Variants in STX5 observed in about 807,000 individuals in gnomAD.
STX5 encodes the protein syntaxin-5.
A neutral mutation model predicts 42.9 loss-of-function variants in STX5; 15 were observed. The observed-to-expected ratio is 0.35, with a 90% CI of 0.23 to 0.54. The LOEUF (loss-of-function observed/expected upper bound fraction) is 0.54. STX5 is among the 20% of genes least tolerant of loss of function. STX5 has a pLI of 0.91. For synonymous variants in STX5, 184 were observed against 173.2 expected (o/e 1.06, Z -0.49); for missense variants, 430 against 455.0 (o/e 0.95, Z 0.50).
intron 3 of STX5, 63 bp downstream of exon 3, chr11:62,827,498 G>A: frequency 6.2e-7 from 1 of 1,612,816 alleles, no homozygotes; most frequent in Non-Finnish European, 8.5e-7. Context: ...CAAGGCCACT[G>A]ATTGCAAGTC....
rs1274611558 is a variant in STX5 at position 62,813,691 on chromosome 11, A to G, written c.909-6063T>C. Among the ~76,000 whole-genome samples, 5 of 152,142 alleles carry G rather than the reference A, an allele frequency of 3.3e-5. No homozygotes were observed. The South Asian group carries it at 8.3e-4, about 25-fold the overall frequency. ...ATCAGGGTTGGACCCTGCTAAAGGG[A>G]TAAGATCAAGTGGGCAGGAGTGGAT... On this transcript the variant is annotated intron_variant, in intron 10 of 10. Coordinates refer to ENST00000294179, the MANE Select transcript of STX5 (RefSeq NM_003164.5).
chr11:62,824,243 C>A lies in STX5; in HGVS notation c.831G>T (p.Glu277Asp). ...TGGAGCCCAACTCAACAATTGTCGACTCAATGTTCTGCATGGTGTCTGCCC... is the reference window on the plus strand; with the variant it reads ...TGGAGCCCAACTCAACAATTGTCGAATCAATGTTCTGCATGGTGTCTGCCC... ...QSRADTMQNI[E>D]STIVELGSIF... is the part of the protein sequence containing the mutation. Residue 277 changes from glutamate to aspartate, a missense_variant, in exon 10 of 11, where the codon GAG (glutamate) becomes GAT (aspartate). Coordinates refer to ENST00000294179, the MANE Select transcript of STX5 (RefSeq NM_003164.5). The A allele has an allele frequency of 6.2e-7, 1 of 1,614,162 alleles. No individual in the cohort carries two copies. Among genetic ancestry groups the A allele is most frequent in the Non-Finnish European group, 8.5e-7 (1 of 1,180,038 alleles).
Position 62,807,438 on chromosome 11 carries a change from C to T in STX5, c.*31G>A. Reference sequence around the variant, plus strand: ...CTTGCCTTCCCAGGAGGGTCCCAAACCCCAACAGAGTGCCTCAGAGTAGAG... The same window carrying T: ...CTTGCCTTCCCAGGAGGGTCCCAAATCCCAACAGAGTGCCTCAGAGTAGAG... On this transcript the variant is annotated 3_prime_UTR_variant, in exon 11 of 11. Transcript: ENST00000294179. The T allele has an allele frequency of 6.2e-7, 1 of 1,608,442 alleles. No homozygotes were observed.
At chr11:62,810,118 AAAAG>A (rs1227740549) in intron 10 of STX5, among the ~76,000 whole-genome samples, 3 of 151,260 alleles carry the variant, frequency 2.0e-5, no homozygotes, top group South Asian at 2.1e-4. Flanking sequence ...AAAAAAAAAA[AAAAG>A]AAAGAAAAAG....
At chr11:62,813,862 T>G (rs1198635763) in intron 10 of STX5, among the ~76,000 whole-genome samples, 1 of 152,172 alleles carries the variant, frequency 6.6e-6, no homozygotes, top group Non-Finnish European at 1.5e-5. Context: ...CAGCTCCTCT[T>G]AGAGCCAAGC....
intron 10 of STX5, chr11:62,823,820 T>C (rs1590972230): frequency 3.8e-6 from 1 of 265,142 alleles, no homozygotes; most frequent in East Asian, 9.1e-5. Context: ...GTGCTGCCTA[T>C]GGGATTACAG....
In STX5 at chr11:62,831,024, G is replaced by C; in HGVS notation, c.220C>G (p.Arg74Gly). 2 of 1,550,536 alleles carry C rather than the reference G, an allele frequency of 1.3e-6. No individual in the cohort carries two copies. The highest frequency in any genetic ancestry group is 2.4e-5 in the East Asian group (1 of 41,088). Residue 74 changes from arginine (R) to glycine (G), a missense_variant, in exon 2 of 11, where the codon CGT (arginine) becomes GGT (glycine). Transcript: ENST00000294179. ...FLSACKSLQT[R>G]QNGIQTNKPA... ...TTTCCACTCCAGGTCCTTACCTGAC[G>C]GGTCTGCAGCGACTTGCAGGCAGAC... is the stretch of plus-strand genomic sequence containing the variant.
chr11:62,828,726 AAAAT>A (rs752238315), intron 2 of STX5, among the ~76,000 whole-genome samples: 136 of 109,842 alleles, frequency 1.2e-3, no homozygotes, highest in Non-Finnish European at 2.2e-3. Context: ...ACTCCGTCTC[AAAAT>A]AAATAAATAA....
intron 10 of STX5, among the ~76,000 whole-genome samples, chr11:62,816,861 C>T (rs1332092134): frequency 6.6e-6 from 1 of 151,494 alleles, no homozygotes; most frequent in African/African-American, 2.4e-5. Context: ...CGCCACTACA[C>T]TCCAGCCTGG....
At chr11:62,829,943 T>C (rs1477556591) in intron 2 of STX5, among the ~76,000 whole-genome samples, 1 of 151,112 alleles carries the variant, frequency 6.6e-6, no homozygotes, top group African/African-American at 2.4e-5. Context: ...CGGGCACCTG[T>C]AATCCCAGCT....
In STX5 at chr11:62,814,163, A is replaced by C. The variant is rs145192754; in HGVS notation, c.909-6535T>G. Reference sequence around the variant, plus strand: ...CTATAGCGATGCTCAGAAAAGAGGAAGAATTTAATTAATTTACTTGAGATG... The same window carrying C: ...CTATAGCGATGCTCAGAAAAGAGGACGAATTTAATTAATTTACTTGAGATG... On this transcript the variant is annotated intron_variant, in intron 10 of 10. Transcript: ENST00000294179. 2.0e-5 allele frequency among the ~76,000 whole-genome samples: 3 copies of C among 152,272 alleles called. No homozygotes were observed. In the South Asian group the frequency reaches 6.2e-4, roughly 32 times the overall value.
Position 62,825,304 on chromosome 11 carries a change from C to A in STX5, c.576G>T (p.Ser192=). Residue 192 remains serine, a synonymous_variant, in exon 7 of 11, where the codon TCG becomes TCT. Transcript: ENST00000294179. Reference sequence around the variant, plus strand: ...TCACCTCTGTCCTCACTTCTAAAACCGATTTGAAGTCATTGGACATAGAAG... The same window carrying A: ...TCACCTCTGTCCTCACTTCTAAAACAGATTTGAAGTCATTGGACATAGAAG... The part of the protein sequence containing the change: ...KLASMSNDFK[S]VLEVRTENLK... The A allele has an allele frequency of 6.2e-7, 1 of 1,614,140 alleles. No homozygotes were observed. The highest frequency in any genetic ancestry group is 1.1e-5 in the South Asian group (1 of 91,070).
At chr11:62,820,753 G>A (rs932235548) in intron 10 of STX5, among the ~76,000 whole-genome samples, 16 of 151,500 alleles carry the variant, frequency 1.1e-4, no homozygotes, top group East Asian at 8.0e-4. Flanking sequence ...CTCATGATCC[G>A]CCTGCCTCGG....
At chr11:62,821,540 C>G (rs1470478699) in intron 10 of STX5, among the ~76,000 whole-genome samples, 1 of 150,584 alleles carries the variant, frequency 6.6e-6, no homozygotes, top group Non-Finnish European at 1.5e-5. Context: ...GCCTGGCCAA[C>G]ATGCTGAAAC....
In STX5 at chr11:62,823,829, A is replaced by C. The variant is rs200165203; in HGVS notation, c.908+337T>G. The C allele has an allele frequency of 1.0e-4, 29 of 290,802 alleles. No individual in the cohort carries two copies. In the East Asian group the frequency reaches 2.2e-3, roughly 22 times the overall value. The allele number at this position is 290,802 out of a possible 1,614,324, so 18.0% of individuals were successfully genotyped here. ...CCCAAAGTGCTGCCTATGGGATTACAGGTGTGAGTCACTGTGCCAGCCTTG... is the reference window on the plus strand; with the variant it reads ...CCCAAAGTGCTGCCTATGGGATTACCGGTGTGAGTCACTGTGCCAGCCTTG... On this transcript the variant is annotated intron_variant, in intron 10 of 10. Transcript: ENST00000294179.
chr11:62,823,125 G>C (rs1295189791), intron 10 of STX5, among the ~76,000 whole-genome samples: 1 of 151,888 alleles, frequency 6.6e-6, no homozygotes, highest in Non-Finnish European at 1.5e-5. Flanking sequence ...TAAATGTCAT[G>C]TCTTCAGAGC....
At chr11:62,814,462 TCTTC>T (rs1555005041) in intron 10 of STX5, among the ~76,000 whole-genome samples, 1 of 63,404 alleles carries the variant, frequency 1.6e-5, no homozygotes, top group Non-Finnish European at 3.5e-5. Flanking sequence ...CACCCGGGAC[TCTTC>T]CTTTTTTTTT....
intron 10 of STX5, among the ~76,000 whole-genome samples, chr11:62,821,677 T>C (rs1440945063): frequency 2.0e-5 from 3 of 151,528 alleles, no homozygotes; most frequent in Non-Finnish European, 4.4e-5. Context: ...AGAGGTGCCA[T>C]TGCACTCCAG....
rs751223273 is a variant in STX5, at chr11:62,827,595, C to T, written c.262G>A (p.Val88Ile). The T allele has an allele frequency of 6.2e-7, 1 of 1,614,244 alleles. No individual in the cohort carries two copies. Among genetic ancestry groups the T allele is most frequent in the South Asian group, 1.1e-5 (1 of 91,090 alleles). ...AGGGTGAATTCACTGCGTTGTCGGA[C>T]AGCACGCAAAGCTGGCTTATTTGTC... ...IQTNKPALRA[V>I]RQRSEFTLMA... The change falls in exon 3 of 11, where the codon GTC (valine) becomes ATC (isoleucine). Residue 88 changes from valine to isoleucine, a missense_variant. Val to Ile is a conservative substitution (Grantham distance 29, BLOSUM62 3). Transcript: ENST00000294179.
Sources: gnomAD v4.1 joint callset for allele counts (sites outside exome capture counted in the v4.1 genomes callset) on GRCh38, gnomAD v4.1.1 for gene constraint, MANE v1.5 for transcripts, NCBI Gene and HGNC (gene_info 2026-07-23, HGNC 2026-07-21) for gene names.